DCAF10: variants seen among roughly 807,000 people sequenced by gnomAD.
DCAF10 encodes DDB1- and CUL4-associated factor 10.
DCAF10 carries 19 observed loss-of-function variants against 51.9 expected under a neutral mutation model. The ratio of observed to expected loss-of-function variants is 0.37; its 90% CI spans 0.26 to 0.54. The LOEUF (loss-of-function observed/expected upper bound fraction) is 0.54, where lower values mean the gene tolerates loss of function less well. Among genes scored for constraint, DCAF10 ranks in the 20% least tolerant of loss-of-function variants. The pLI is 0.87. For synonymous variants in DCAF10, 291 were observed against 297.1 expected (o/e 0.98, Z 0.21); for missense variants, 510 against 730.6 (o/e 0.70, Z 3.48).
At chr9:37,813,494 A>G (rs966482783) in intron 1 of DCAF10, among the ~76,000 whole-genome samples, 1 of 152,252 alleles carries the variant, frequency 6.6e-6, no homozygotes, top group Non-Finnish European at 1.5e-5. Flanking sequence ...GATTGCTAGT[A>G]GTTACATTAA....
chr9:37,803,149 CAATT>C (rs1221543779), intron 1 of DCAF10, among the ~76,000 whole-genome samples: 1 of 152,096 alleles, frequency 6.6e-6, no homozygotes, highest in African/African-American at 2.4e-5. Flanking sequence ...TTAAATTACA[CAATT>C]AACATATATG....
chr9:37,853,941 C>G (rs531761634), intron 3 of DCAF10, among the ~76,000 whole-genome samples: 1 of 152,088 alleles, frequency 6.6e-6, no homozygotes, highest in South Asian at 2.1e-4. Context: ...TTTTCTGTGA[C>G]CACAGGGCTA....
intron 3 of DCAF10, among the ~76,000 whole-genome samples, chr9:37,852,967 A>ATATATAC: frequency 1.2e-5 from 1 of 82,696 alleles, no homozygotes; most frequent in South Asian, 4.7e-4. Context: ...TATATATATA[A>ATATATAC]ATTAGCTTGA....
chr9:37,863,710 G>A lies in DCAF10; in HGVS notation c.*2202G>A, dbSNP rs993048316. The A allele has an allele frequency of 6.6e-6, 1 of 152,160 alleles. No individual in the cohort carries two copies. Among genetic ancestry groups the A allele is most frequent in the Non-Finnish European group, 1.5e-5 (1 of 68,034 alleles). The allele number at this position is 152,160 out of a possible 1,614,324, so 9.4% of individuals were successfully genotyped here. ...AGGCAGGCATGGGAGTAGATGCTGA[G>A]AATTCTAGCCATAAGAAGAAAAGTA... is the stretch of plus-strand genomic sequence containing the variant. On this transcript the variant is annotated 3_prime_UTR_variant, in exon 7 of 7. Transcript: ENST00000377724.
intron 1 of DCAF10, among the ~76,000 whole-genome samples, chr9:37,816,146 C>T (rs1226205027): frequency 6.6e-6 from 1 of 151,956 alleles, no homozygotes; most frequent in Non-Finnish European, 1.5e-5. Flanking sequence ...AAATCAAGTG[C>T]CCAGGAATAA....
chr9:37,844,611 A>T (rs1830427591), intron 3 of DCAF10, among the ~76,000 whole-genome samples: 1 of 152,176 alleles, frequency 6.6e-6, no homozygotes, highest in African/African-American at 2.4e-5. Context: ...AGGTTGTGCC[A>T]CTGTACTCCA....
In DCAF10 at chr9:37,829,484, T is replaced by G. The variant is rs1360365771; in HGVS notation, c.653+10083T>G. 6.6e-6 allele frequency among the ~76,000 whole-genome samples: 1 copy of G among 151,846 alleles called. No individual in the cohort carries two copies. The highest frequency in any genetic ancestry group is 2.4e-5 in the African/African-American group (1 of 41,330). Reference sequence around the variant, plus strand: ...AATAAAATAAAACAAAAAACTACAATGAAGAATAACTACAGAAAGATGTTC... The same window carrying G: ...AATAAAATAAAACAAAAAACTACAAGGAAGAATAACTACAGAAAGATGTTC... On this transcript the variant is annotated intron_variant, in intron 2 of 6. Coordinates refer to ENST00000377724, the MANE Select transcript of DCAF10 (RefSeq NM_024345.5). The surrounding 1 kb of genome is among the most constrained non-coding windows in gnomAD (Gnocchi z 4.2).
chr9:37,831,788 C>T (rs1291199899), intron 2 of DCAF10, among the ~76,000 whole-genome samples: 1 of 152,074 alleles, frequency 6.6e-6, no homozygotes, highest in Non-Finnish European at 1.5e-5. Context: ...TTTAGAGTTC[C>T]TTTAATAATC....
chr9:37,849,734 T>A (rs980912707), intron 3 of DCAF10, among the ~76,000 whole-genome samples: 2 of 151,930 alleles, frequency 1.3e-5, no homozygotes, highest in African/African-American at 2.4e-5. Flanking sequence ...TACAAAAAAA[T>A]TAGCCAGGTG....
chr9:37,816,219 CA>C (rs1184202160), intron 1 of DCAF10, among the ~76,000 whole-genome samples: 1 of 152,172 alleles, frequency 6.6e-6, no homozygotes, highest in Non-Finnish European at 1.5e-5. Flanking sequence ...GAGAGAATTA[CA>C]GAAGATTTAA....
intron 1 of DCAF10, among the ~76,000 whole-genome samples, chr9:37,808,068 GACC>G (rs1476159981): frequency 6.6e-6 from 1 of 151,974 alleles, no homozygotes; most frequent in Non-Finnish European, 1.5e-5. Flanking sequence ...TCACATATGA[GACC>G]ACAAGTTTCA....
rs1051422588 is a variant in DCAF10, at chr9:37,866,770, A to G, written c.*5262A>G. The G allele has an allele frequency of 6.5e-6, 1 of 152,680 alleles. No homozygotes were observed. The highest frequency in any genetic ancestry group is 1.5e-5 in the Non-Finnish European group (1 of 68,044). 9.5% of individuals were successfully genotyped at this position (152,680 alleles called of 1,614,324 possible). A position where few individuals can be genotyped will look rare whatever the true frequency, so the allele number is the denominator to read the frequency against. ...TTTTTTAGTTGCAACTAAGTAAGAT[A>G]TACTACAAACTAAGGATGCTGCTAG... On this transcript the variant is annotated 3_prime_UTR_variant, in exon 7 of 7. Coordinates refer to ENST00000377724, the MANE Select transcript of DCAF10 (RefSeq NM_024345.5).
chr9:37,811,255 C>T (rs1039966068), intron 1 of DCAF10, among the ~76,000 whole-genome samples: 11 of 151,870 alleles, frequency 7.2e-5, no homozygotes, highest in African/African-American at 2.4e-4. Context: ...TTGTTTAAGC[C>T]CAGGCGTTTG....
intron 1 of DCAF10, among the ~76,000 whole-genome samples, chr9:37,807,312 T>C (rs933327455): frequency 5.3e-5 from 8 of 152,164 alleles, no homozygotes; most frequent in Admixed American, 1.3e-4. Context: ...AGACCTTGTC[T>C]CTACAAAAAA....
At chr9:37,843,298 G>A (rs1241008519) in intron 3 of DCAF10, among the ~76,000 whole-genome samples, 1 of 152,190 alleles carries the variant, frequency 6.6e-6, no homozygotes, top group Non-Finnish European at 1.5e-5. Context: ...TTACAGGCAT[G>A]AGCCACTGTG....
chr9:37,830,504 A>G (rs527514174), intron 2 of DCAF10, among the ~76,000 whole-genome samples: 1 of 152,332 alleles, frequency 6.6e-6, no homozygotes, highest in East Asian at 1.9e-4. Context: ...TGGGAATAAC[A>G]ACAACTTTTG....
At chr9:37,802,184 C>T (rs1828973115) in intron 1 of DCAF10, among the ~76,000 whole-genome samples, 1 of 152,204 alleles carries the variant, frequency 6.6e-6, no homozygotes, top group Non-Finnish European at 1.5e-5. Flanking sequence ...TTCATTCTCT[C>T]ATTCGGCGTA....
chr9:37,844,827 TAACAAC>T (rs141543253), intron 3 of DCAF10, among the ~76,000 whole-genome samples: 1 of 151,476 alleles, frequency 6.6e-6, no homozygotes, highest in Non-Finnish European at 1.5e-5. Context: ...AAAAGAAAAA[TAACAAC>T]AACAACAAAC....
intron 1 of DCAF10, 69 bp from the exon 2 acceptor site, chr9:37,819,219 A>C: frequency 8.0e-7 from 1 of 1,242,840 alleles, no homozygotes; most frequent in Non-Finnish European, 1.1e-6. Flanking sequence ...TGTAATTATA[A>C]ATAAGTGAAC....
Sources: allele counts gnomAD v4.1 joint callset (sites outside exome capture counted in the v4.1 genomes callset), GRCh38; gene constraint gnomAD v4.1.1; non-coding constraint Gnocchi (gnomAD v3.1); transcripts MANE v1.5; gene names NCBI Gene and HGNC (gene_info 2026-07-23, HGNC 2026-07-21).